The following FBXO34 variants were observed in gnomAD, a reference collection of about 807,000 sequenced individuals.
FBXO34 encodes F-box only protein 34.
In FBXO34, 12 loss-of-function variants were observed where a neutral mutation model predicts 24.5. The observed-to-expected ratio is 0.49, with a 90% CI of 0.31 to 0.79. The LOEUF is 0.79. Ranked by LOEUF, FBXO34 falls within the 30% of genes least tolerant of loss-of-function variation. FBXO34 has a pLI of 0.04. For missense variants in FBXO34, 823 were observed against 857.7 expected (o/e 0.96, Z 0.51); for synonymous variants, 320 against 311.9 (o/e 1.03, Z -0.27).
At chr14:55,405,675 A>G in the FBXO34 span, among the ~76,000 whole-genome samples, 5 of 152,192 alleles carry the variant, frequency 3.3e-5, no homozygotes, top group African/African-American at 1.2e-4. Flanking sequence ...TAGCAGTGCT[A>G]TTTCTGGTGT....
chr14:55,349,997 T>A (rs17741831), intron 1 of FBXO34, among the ~76,000 whole-genome samples: 58,541 of 151,892 alleles, frequency 0.39, 11,653 homozygotes, highest in Non-Finnish European at 0.43. Flanking sequence ...AGTAGGGATC[T>A]TGGAGGAGTT....
the FBXO34 span, among the ~76,000 whole-genome samples, chr14:55,392,045 T>C: frequency 1.3e-5 from 2 of 152,098 alleles, no homozygotes; most frequent in Non-Finnish European, 2.9e-5. Flanking sequence ...TGGAAGACAA[T>C]TTTTCCACGG....
At chr14:55,378,057 T>G in the FBXO34 span, 1 of 1,612,926 alleles carries the variant, frequency 6.2e-7, no homozygotes, top group Non-Finnish European at 8.5e-7. Context: ...CTTGCTTAGA[T>G]TTTCGCCACA....
chr14:55,376,281 A>G, the FBXO34 span, among the ~76,000 whole-genome samples: 1 of 152,228 alleles, frequency 6.6e-6, no homozygotes, highest in South Asian at 2.1e-4. Flanking sequence ...GGCCCAATAA[A>G]TATTAGCTCT....
chr14:55,427,284 T>C, the FBXO34 span, among the ~76,000 whole-genome samples: 3 of 151,688 alleles, frequency 2.0e-5, no homozygotes, highest in Non-Finnish European at 4.4e-5. Flanking sequence ...TAGCATACAG[T>C]GAAAAAACTG....
the FBXO34 span, chr14:55,381,995 A>C: frequency 6.2e-7 from 1 of 1,614,166 alleles, no homozygotes; most frequent in Non-Finnish European, 8.5e-7. Context: ...TCCTCCACCC[A>C]GCTGTAGTAG....
the FBXO34 span, among the ~76,000 whole-genome samples, chr14:55,426,401 G>A: frequency 2.0e-5 from 3 of 152,146 alleles, no homozygotes; most frequent in African/African-American, 4.8e-5. Context: ...ATTAAATGTT[G>A]ACATACAAAT....
At chr14:55,275,372 C>T (rs1476281403) in intron 1 of FBXO34, among the ~76,000 whole-genome samples, 5 of 152,190 alleles carry the variant, frequency 3.3e-5, no homozygotes, top group Non-Finnish European at 5.9e-5. Context: ...ATCCAGCAAA[C>T]ATTTTTTTGA....
the FBXO34 span, among the ~76,000 whole-genome samples, chr14:55,415,859 CTG>C: frequency 6.6e-6 from 1 of 152,232 alleles, no homozygotes; most frequent in East Asian, 1.9e-4. Flanking sequence ...CAGCGAGACT[CTG>C]TCTCAAAATA....
chr14:55,351,418 TG>T lies in FBXO34; in HGVS notation c.1032del (p.Ser345LeufsTer36). ...GCACCTGACACTCAGGTGAATCCTG[TG>T]GGGTCTGTATCTGTGGATTGTGGCC... ...LEAPDTQVNP[V>X]GSVSVDCGPS... On this transcript the variant is annotated frameshift_variant, in exon 2 of 2. Coordinates refer to ENST00000313833, the MANE Select transcript of FBXO34 (RefSeq NM_017943.4). LOFTEE classifies it low-confidence loss of function (END_TRUNC). 6.2e-7 allele frequency: 1 copy of T among 1,614,196 alleles called. No individual in the cohort carries two copies. The highest frequency in any genetic ancestry group is 8.5e-7 in the Non-Finnish European group (1 of 1,180,020).
chr14:55,405,465 A>T, the FBXO34 span, among the ~76,000 whole-genome samples: 20 of 152,356 alleles, frequency 1.3e-4, no homozygotes, highest in South Asian at 4.1e-3. Context: ...ATTATAAAGT[A>T]GTATCTATAT....
chr14:55,379,089 G>GGC, the FBXO34 span, among the ~76,000 whole-genome samples: 1 of 152,010 alleles, frequency 6.6e-6, no homozygotes, highest in Non-Finnish European at 1.5e-5. Context: ...ATTTATGCTG[G>GGC]GCCCTCCATG....
chr14:55,349,317 CT>C (rs1566566568), intron 1 of FBXO34, among the ~76,000 whole-genome samples: 1 of 152,052 alleles, frequency 6.6e-6, no homozygotes, highest in Non-Finnish European at 1.5e-5. Context: ...ATGTAATCAT[CT>C]TTTTGTCTCG....
At chr14:55,430,186 A>G in the FBXO34 span, among the ~76,000 whole-genome samples, 1 of 152,152 alleles carries the variant, frequency 6.6e-6, no homozygotes, top group East Asian at 1.9e-4. Flanking sequence ...AGGGTGAATC[A>G]GGTGAATTCC....
intron 1 of FBXO34, among the ~76,000 whole-genome samples, chr14:55,342,352 C>T (rs1884019651): frequency 6.6e-6 from 1 of 152,110 alleles, no homozygotes; most frequent in African/African-American, 2.4e-5. Flanking sequence ...ACTTTTCTGT[C>T]GTTCGCCACT....
chr14:55,395,353 T>TTTTG, the FBXO34 span: 28 of 204,194 alleles, frequency 1.4e-4, no homozygotes, highest in East Asian at 1.3e-3. Flanking sequence ...TTGTTAAATT[T>TTTTG]TTTGTTTGTT....
chr14:55,295,895 A>G (rs917574321), intron 1 of FBXO34, among the ~76,000 whole-genome samples: 28 of 152,354 alleles, frequency 1.8e-4, no homozygotes, highest in African/African-American at 4.8e-4. Context: ...TGGAACAGTA[A>G]TGTCACAAAG....
intron 1 of FBXO34, among the ~76,000 whole-genome samples, chr14:55,308,412 A>G (rs754785123): frequency 1.3e-5 from 2 of 152,224 alleles, no homozygotes; most frequent in Non-Finnish European, 2.9e-5. Flanking sequence ...TTTCTCATGT[A>G]ATTTATTAAC....
At chr14:55,331,360 G>A (rs1418252777) in intron 1 of FBXO34, among the ~76,000 whole-genome samples, 2 of 151,856 alleles carry the variant, frequency 1.3e-5, no homozygotes. Flanking sequence ...GTAGTAGTTT[G>A]TAAATTTGAG....
Sources: gnomAD v4.1 joint callset for allele counts (sites outside exome capture counted in the v4.1 genomes callset) on GRCh38, gnomAD v4.1.1 for gene constraint, MANE v1.5 for transcripts, NCBI Gene and HGNC (gene_info 2026-07-23, HGNC 2026-07-21) for gene names.